GRIP1: variants seen among roughly 807,000 people sequenced by gnomAD.
GRIP1 encodes glutamate receptor-interacting protein 1.
In GRIP1, 45 loss-of-function variants were observed where a neutral mutation model predicts 129.9. The ratio of observed to expected loss-of-function variants is 0.35; its 90% confidence interval spans 0.27 to 0.44. The LOEUF (loss-of-function observed/expected upper bound fraction) is 0.44. GRIP1 is among the 20% of genes least tolerant of loss of function. GRIP1 has a pLI of 1.00. For missense variants in GRIP1, 1,196 were observed against 1,396.8 expected (o/e 0.86, Z 2.29); for synonymous variants, 530 against 520.8 (o/e 1.02, Z -0.24).
At chr12:66,564,158 G>A (rs915776491) in intron 2 of GRIP1, 8 of 152,802 alleles carry the variant, frequency 5.2e-5, no homozygotes, top group Non-Finnish European at 8.8e-5. Flanking sequence ...TTAAGTTCTA[G>A]GGTACATGTG....
At chr12:66,882,621 T>A (rs937597429) in intron 1 of GRIP1, among the ~76,000 whole-genome samples, 1 of 152,222 alleles carries the variant, frequency 6.6e-6, no homozygotes, top group Admixed American at 6.5e-5. Flanking sequence ...TATGCAGTCA[T>A]ACAAATAAAG....
chr12:66,787,830 A>G (rs1442318313), intron 1 of GRIP1, among the ~76,000 whole-genome samples: 1 of 152,086 alleles, frequency 6.6e-6, no homozygotes. Flanking sequence ...TACCCCCCAA[A>G]AGCAAACTGT....
chr12:66,719,446 C>A lies in GRIP1; in HGVS notation c.-420+84607G>T, dbSNP rs147626576. The stretch of plus-strand genomic sequence containing the variant: ...GCTAGGAGTAAATGACTTCTAAGAG[C>A]CAACTAATTTTTAATGATTGTATCA... On this transcript the variant is annotated intron_variant, in intron 1 of 4. Coordinates refer to the GRIP1 transcript ENST00000538373. Among the ~76,000 whole-genome samples, 291 of 152,204 alleles carry A rather than the reference C, an allele frequency of 1.9e-3. 3 individuals are homozygous for A. The highest frequency in any genetic ancestry group is 6.4e-3 in the African/African-American group (267 of 41,540).
rs1565988037 is a variant in GRIP1, at chr12:66,723,292, CTTTCTTTCTTTCTTTTTTTTTTT to C, written c.-420+80738_-420+80760del. Among the ~76,000 whole-genome samples, 157 of 28,298 alleles carry C rather than the reference CTTTCTTTCTTTCTTTTTTTTTTT, an allele frequency of 5.5e-3. 13 individuals carry two copies. The highest frequency in any genetic ancestry group is 0.026 in the African/African-American group (148 of 5,602). The allele number at this position is 28,298 out of a possible 152,430, so 18.6% of individuals were successfully genotyped here. A position where few individuals can be genotyped will look rare whatever the true frequency, so the allele number is the denominator to read the frequency against. On this transcript the variant is annotated intron_variant, in intron 1 of 4. Transcript: ENST00000538373. Reference sequence around the variant, plus strand: ...CCTTCCTTCCTTCCTTCCTTTCTTTCTTTCTTTCTTTCTTTTTTTTTTTTTTTTTTTTTTTTTTGAGACAGAGT... The same window carrying C: ...CCTTCCTTCCTTCCTTCCTTTCTTTCTTTTTTTTTTTTTTTGAGACAGAGT...
At chr12:66,913,263 T>C (rs1377784042) in intron 1 of GRIP1, among the ~76,000 whole-genome samples, 1 of 152,236 alleles carries the variant, frequency 6.6e-6, no homozygotes, top group Non-Finnish European at 1.5e-5. Flanking sequence ...CCTCCCAAAG[T>C]AGGCACAGCA....
intron 1 of GRIP1, among the ~76,000 whole-genome samples, chr12:66,753,664 C>A (rs12320846): frequency 0.073 from 11,049 of 152,270 alleles, 566 homozygotes; most frequent in South Asian, 0.16. Flanking sequence ...TAATCACCCT[C>A]TTCATTTTGT....
chr12:66,956,582 A>G (rs574501255), intron 1 of GRIP1, among the ~76,000 whole-genome samples: 2 of 152,330 alleles, frequency 1.3e-5, no homozygotes, highest in African/African-American at 4.8e-5. Flanking sequence ...GAGTGTAGAA[A>G]GATGTTAAAG....
In GRIP1 at chr12:66,350,018, G is replaced by GGT. The variant is rs569685198; in HGVS notation, c.3160-773_3160-772insAC. ...GCACTGCTGGAAAATGACCCTACTT[G>GGT]TCAAATCCAGGAATGTTCTGGAGTT... is the stretch of plus-strand genomic sequence containing the variant. On this transcript the variant is annotated intron_variant, in intron 24 of 24. Transcript: ENST00000359742. 1.4e-3 allele frequency among the ~76,000 whole-genome samples: 208 copies of GGT among 151,920 alleles called. 1 individual carries two copies. Among genetic ancestry groups the GGT allele is most frequent in the African/African-American group, 4.8e-3 (197 of 41,412 alleles).
chr12:66,684,128 C>A (rs566847123), upstream of GRIP1, among the ~76,000 whole-genome samples: 5 of 152,242 alleles, frequency 3.3e-5, no homozygotes, highest in Non-Finnish European at 5.9e-5. Flanking sequence ...GAACAGAGAG[C>A]AGTAACAGCT....
intron 1 of GRIP1, among the ~76,000 whole-genome samples, chr12:66,828,127 G>A (rs1037982959): frequency 6.6e-6 from 1 of 152,182 alleles, no homozygotes; most frequent in Non-Finnish European, 1.5e-5. Context: ...GCTTTGTGGT[G>A]AGGCAATTAT....
At chr12:66,639,677 A>T (rs1333510850) in intron 1 of GRIP1, among the ~76,000 whole-genome samples, 1 of 152,234 alleles carries the variant, frequency 6.6e-6, no homozygotes, top group Non-Finnish European at 1.5e-5. Context: ...TTGCATTCTT[A>T]GTTTTCAAAT....
intron 1 of GRIP1, among the ~76,000 whole-genome samples, chr12:66,736,956 C>T (rs2036623188): frequency 6.8e-6 from 1 of 147,918 alleles, no homozygotes; most frequent in African/African-American, 2.5e-5. Context: ...AAAACCCTTA[C>T]ATTCTAACAT....
At chr12:67,055,944 G>C (rs1023123726) in intron 1 of GRIP1, among the ~76,000 whole-genome samples, 2 of 152,148 alleles carry the variant, frequency 1.3e-5, no homozygotes, top group African/African-American at 4.8e-5. Context: ...CAATTCGTAT[G>C]AATATTGAAA....
chr12:66,837,872 T>C (rs2039643029), intron 1 of GRIP1, among the ~76,000 whole-genome samples: 2 of 152,116 alleles, frequency 1.3e-5, no homozygotes, highest in South Asian at 4.1e-4. Flanking sequence ...TAGATTTTAC[T>C]TGGGCTATTT....
chr12:66,764,672 A>C (rs1026088282), intron 1 of GRIP1, among the ~76,000 whole-genome samples: 1 of 152,186 alleles, frequency 6.6e-6, no homozygotes, highest in African/African-American at 2.4e-5. Context: ...TTGTAAGGAC[A>C]AGGGGTGGAA....
At chr12:66,829,710 C>G (rs2039483549) in intron 1 of GRIP1, among the ~76,000 whole-genome samples, 1 of 152,158 alleles carries the variant, frequency 6.6e-6, no homozygotes, top group Admixed American at 6.5e-5. Context: ...AAGCGCTTTC[C>G]CAAACCATTT....
chr12:66,965,062 G>A (rs61682469), intron 1 of GRIP1, among the ~76,000 whole-genome samples: 23,791 of 151,930 alleles, frequency 0.16, 2,747 homozygotes, highest in African/African-American at 0.32. Flanking sequence ...ACATTCTGAG[G>A]TACTGGGGGT....
intron 23 of GRIP1, among the ~76,000 whole-genome samples, chr12:66,363,171 AC>A: frequency 2.3e-5 from 2 of 86,540 alleles, no homozygotes; most frequent in African/African-American, 4.9e-5. Flanking sequence ...ATATACACAC[AC>A]ATATATGTAT....
intron 1 of GRIP1, among the ~76,000 whole-genome samples, chr12:66,936,426 C>CAA (rs35370978): frequency 1.0e-4 from 9 of 88,082 alleles, no homozygotes; most frequent in African/African-American, 1.6e-4. Flanking sequence ...ACCCTGTCTC[C>CAA]AAAAAAAAAA....
Sources: gnomAD v4.1 joint callset for allele counts (sites outside exome capture counted in the v4.1 genomes callset) on GRCh38, gnomAD v4.1.1 for gene constraint, MANE v1.5 for transcripts, NCBI Gene and HGNC (gene_info 2026-07-23, HGNC 2026-07-21) for gene names.